Variants in PATJ observed in about 807,000 individuals in gnomAD.
PATJ encodes the protein inaD-like protein.
Under a neutral mutation model 224.9 loss-of-function variants are expected in PATJ, and 190 were observed. That is an observed-to-expected ratio of 0.84 (90% confidence interval 0.75 to 0.95). The LOEUF is 0.95. Among genes scored for constraint, PATJ ranks in the 40% least tolerant of loss-of-function variants. The pLI is 0.00. For synonymous variants in PATJ, 769 were observed against 820.3 expected (o/e 0.94, Z 1.07); for missense variants, 2,121 against 2,270.3 (o/e 0.93, Z 1.34).
At chr1:61,923,837 G>T (rs1011530573) in intron 26 of PATJ, among the ~76,000 whole-genome samples, 1 of 150,074 alleles carries the variant, frequency 6.7e-6, no homozygotes, top group Non-Finnish European at 1.5e-5. Flanking sequence ...AAGGAGACTC[G>T]CATGAACCCA....
At chr1:61,959,434 C>CTTTTTTT (rs1367332894) in intron 27 of PATJ, among the ~76,000 whole-genome samples, 2 of 115,976 alleles carry the variant, frequency 1.7e-5, no homozygotes, top group African/African-American at 6.8e-5. Flanking sequence ...TATTTTTTTT[C>CTTTTTTT]TTTTCTTTTT....
At chr1:61,857,258 T>A (rs779380745) in intron 18 of PATJ, among the ~76,000 whole-genome samples, 2 of 152,230 alleles carry the variant, frequency 1.3e-5, no homozygotes, top group Non-Finnish European at 2.9e-5. Context: ...TATTAAGTGC[T>A]TACTAAATGT....
chr1:61,943,365 G>A (rs960778286), intron 27 of PATJ, among the ~76,000 whole-genome samples: 4 of 152,174 alleles, frequency 2.6e-5, no homozygotes, highest in Non-Finnish European at 4.4e-5. Flanking sequence ...GTGACAGAGG[G>A]TACCTGGAAA....
intron 42 of PATJ, among the ~76,000 whole-genome samples, 195 bp downstream of exon 42, chr1:62,148,585 T>G (rs1321534151): frequency 6.6e-6 from 1 of 152,230 alleles, no homozygotes; most frequent in Non-Finnish European, 1.5e-5. Flanking sequence ...TTGCAGGGCC[T>G]GCACACACAC....
chr1:61,751,832 A>G (rs1645348334), intron 1 of PATJ, among the ~76,000 whole-genome samples: 1 of 151,474 alleles, frequency 6.6e-6, no homozygotes, highest in Non-Finnish European at 1.5e-5. Flanking sequence ...TCTCAAAAAA[A>G]TAATAATAAT....
chr1:61,752,151 A>G (rs1000562665), intron 1 of PATJ, among the ~76,000 whole-genome samples: 12 of 151,094 alleles, frequency 7.9e-5, no homozygotes, highest in Non-Finnish European at 1.2e-4. Flanking sequence ...AAAAAAAAAA[A>G]AAAGAAGCCT....
rs145249729 is a variant in PATJ, at chr1:62,053,908, A to G, written c.4125+2850A>G. Among the ~76,000 whole-genome samples the G allele has an allele frequency of 6.6e-3, 1,010 of 152,324 alleles. 10 individuals are homozygous for G. The highest frequency in any genetic ancestry group is 0.023 in the African/African-American group (963 of 41,578). Reference sequence around the variant, plus strand: ...TTCATTCAACAAATATTTGCCAAATACCACTATGTTCCAGGTACTGAAGAT... The same window carrying G: ...TTCATTCAACAAATATTTGCCAAATGCCACTATGTTCCAGGTACTGAAGAT... On this transcript the variant is annotated intron_variant, in intron 31 of 43. Transcript: ENST00000642238.
Position 62,090,198 on chromosome 1 carries a change from T to TTG in PATJ, c.4377+5551_4377+5552insGT, listed in dbSNP as rs1011528724. Reference sequence around the variant, plus strand: ...GATGAGGGTGAACCTCTTGGGAAGGTTTACAAGCACACCTGGACCCAATCC... The same window carrying TTG: ...GATGAGGGTGAACCTCTTGGGAAGGTTGTTACAAGCACACCTGGACCCAATCC... On this transcript the variant is annotated intron_variant, in intron 33 of 43. Transcript: ENST00000642238. 1.1e-4 allele frequency among the ~76,000 whole-genome samples: 17 copies of TTG among 152,076 alleles called. 1 individual carries two copies. The highest frequency in any genetic ancestry group is 3.9e-4 in the African/African-American group (16 of 41,388).
intron 27 of PATJ, among the ~76,000 whole-genome samples, chr1:61,943,778 A>G (rs975908304): frequency 2.6e-5 from 4 of 152,186 alleles, no homozygotes; most frequent in African/African-American, 9.7e-5. Context: ...GAACAGACAG[A>G]CTGCCTCCTC....
chr1:61,808,511 A>C lies in PATJ; in HGVS notation c.1664A>C (p.Glu555Ala). 1 of 1,606,926 alleles carries C rather than the reference A, an allele frequency of 6.2e-7. No individual in the cohort carries two copies. Among genetic ancestry groups the C allele is most frequent in the East Asian group, 2.2e-5 (1 of 44,838 alleles). Reference sequence around the variant, plus strand: ...GACACACAGATTGCAGATGATGCTGAGTTACAGAAATATTCAAAGGTAAGC... The same window carrying C: ...GACACACAGATTGCAGATGATGCTGCGTTACAGAAATATTCAAAGGTAAGC... ...TLDTQIADDA[E>A]LQKYSKLLPI... Residue 555 changes from glutamate to alanine, a missense_variant, in exon 14 of 44, where the codon GAG becomes GCG. Glu to Ala is a moderately radical substitution (Grantham distance 107, BLOSUM62 -1). Coordinates refer to ENST00000642238, the MANE Select transcript of PATJ (RefSeq NM_001350145.3).
intron 29 of PATJ, among the ~76,000 whole-genome samples, chr1:62,032,804 A>G (rs371906258): frequency 1.3e-5 from 2 of 152,316 alleles, no homozygotes; most frequent in South Asian, 4.1e-4. Context: ...TTTATAAAGG[A>G]AAGAGATTTA....
intron 33 of PATJ, 137 bp downstream of exon 33, chr1:62,084,785 T>G: frequency 1.1e-6 from 1 of 873,148 alleles, no homozygotes; most frequent in Non-Finnish European, 1.8e-6. Context: ...TAGATGTGCA[T>G]CCATAGTCTA....
At chr1:62,102,803 T>C (rs530702598) in intron 33 of PATJ, among the ~76,000 whole-genome samples, 1 of 136,886 alleles carries the variant, frequency 7.3e-6, no homozygotes, top group Admixed American at 8.7e-5. Context: ...CACTTTGCTG[T>C]GAGCCAAGAT....
intron 26 of PATJ, among the ~76,000 whole-genome samples, chr1:61,917,556 T>C (rs2149246534): frequency 6.6e-6 from 1 of 152,336 alleles, no homozygotes; most frequent in East Asian, 1.9e-4. Flanking sequence ...AATCTTGAAT[T>C]ACTGGAATGC....
chr1:62,013,296 A>G (rs1370463276), intron 28 of PATJ: 2 of 961,224 alleles, frequency 2.1e-6, no homozygotes, highest in African/African-American at 1.8e-5. Context: ...GATTTCCTAC[A>G]TGCTCAAGCG....
chr1:62,093,655 A>T (rs2148804207), intron 33 of PATJ, among the ~76,000 whole-genome samples: 1 of 152,352 alleles, frequency 6.6e-6, no homozygotes, highest in Non-Finnish European at 1.5e-5. Context: ...TTTGAATTCC[A>T]GATTTGGACA....
In PATJ at chr1:61,938,412, A is replaced by C. The variant is rs115369888; in HGVS notation, c.3670+10583A>C. On this transcript the variant is annotated intron_variant, in intron 27 of 43. Transcript: ENST00000642238. Reference sequence around the variant, plus strand: ...AAAAACAAGAAACAAAACAAAACAAAACAGCTATCTATCTGGTATTATGCT... The same window carrying C: ...AAAAACAAGAAACAAAACAAAACAACACAGCTATCTATCTGGTATTATGCT... 5.4e-3 allele frequency among the ~76,000 whole-genome samples: 820 copies of C among 152,286 alleles called. 6 individuals are homozygous for C. The highest frequency in any genetic ancestry group is 0.031 in the Middle Eastern group (9 of 294).
chr1:61,905,855 G>A (rs1428110263), intron 24 of PATJ, among the ~76,000 whole-genome samples: 1 of 152,128 alleles, frequency 6.6e-6, no homozygotes, highest in African/African-American at 2.4e-5. Context: ...CCGACTGGAT[G>A]TCTTATAATT....
intron 14 of PATJ, among the ~76,000 whole-genome samples, chr1:61,811,631 T>C (rs1654780090): frequency 6.6e-6 from 1 of 150,786 alleles, no homozygotes; most frequent in South Asian, 2.1e-4. Context: ...TGTTTTCTAG[T>C]TTACTAAATT....
Sources: allele counts gnomAD v4.1 joint callset (sites outside exome capture counted in the v4.1 genomes callset), GRCh38; gene constraint gnomAD v4.1.1; transcripts MANE v1.5; gene names NCBI Gene and HGNC (gene_info 2026-07-23, HGNC 2026-07-21).